The following ARHGEF17 variants were observed in gnomAD, a reference collection of about 807,000 sequenced individuals.
ARHGEF17 encodes the protein 164 kDa Rho-specific guanine-nucleotide exchange factor.
In ARHGEF17, 80 loss-of-function variants were observed where a neutral mutation model predicts 174.0. That is an observed-to-expected ratio of 0.46 (90% confidence interval 0.38 to 0.55). The LOEUF (loss-of-function observed/expected upper bound fraction) is 0.55. Among genes scored for constraint, ARHGEF17 ranks in the 20% least tolerant of loss-of-function variants. The probability of loss-of-function intolerance (pLI) is 0.00; values close to 1 mark genes in which losing one functional copy is unlikely to be tolerated. For synonymous variants in ARHGEF17, 1,311 were observed against 1,189.1 expected, an observed-to-expected ratio of 1.10 and a Z score of -2.11; for missense variants, 2,886 against 2,839.7, an observed-to-expected ratio of 1.02 and a Z score of -0.37.
At chr11:73,355,483 G>A (rs577406464) in intron 3 of ARHGEF17, 50 bp from the exon 4 acceptor site, 2 of 1,239,758 alleles carry the variant, frequency 1.6e-6, no homozygotes, top group South Asian at 2.4e-5. Flanking sequence ...ACAGGGTGAG[G>A]TGGGGTGAGG....
At position 73,361,171 on chromosome 11, in the gene ARHGEF17, C is replaced by T. The variant is rs755101331; in HGVS notation, c.4494+10C>T. On this transcript the variant is annotated intron_variant, in intron 12 of 20. Coordinates refer to ENST00000263674, the MANE Select transcript of ARHGEF17 (RefSeq NM_014786.4). ...CCGCAGTGGCATGCAGGTATGTCTG[C>T]ATCTGGGTCACTTGGGTACATGTTT... The T allele has an allele frequency of 2.9e-5, 46 of 1,613,004 alleles. 2 individuals are homozygous for T. Among genetic ancestry groups the T allele is most frequent in the Middle Eastern group, 1.6e-4 (1 of 6,076 alleles).
At chr11:73,359,228 C>G (rs1420988356) in intron 9 of ARHGEF17, among the ~76,000 whole-genome samples, 2 of 152,238 alleles carry the variant, frequency 1.3e-5, no homozygotes, top group Non-Finnish European at 2.9e-5. Context: ...CACTTCTTTT[C>G]CCTTGATTTC....
At chr11:73,313,162 T>A (rs1864869732) in intron 1 of ARHGEF17, among the ~76,000 whole-genome samples, 1 of 152,198 alleles carries the variant, frequency 6.6e-6, no homozygotes. Flanking sequence ...TGTCTCCAGT[T>A]ACCCCTGGTC....
chr11:73,322,365 C>G (rs1216186546), intron 1 of ARHGEF17, among the ~76,000 whole-genome samples: 1 of 152,206 alleles, frequency 6.6e-6, no homozygotes, highest in Non-Finnish European at 1.5e-5. Flanking sequence ...TGGAAAGACT[C>G]TTAGAAACCA....
chr11:73,361,023 C>A (rs1865729071), intron 11 of ARHGEF17, 65 bp from the exon 12 acceptor site: 11 of 1,379,890 alleles, frequency 8.0e-6, no homozygotes, highest in Non-Finnish European at 1.1e-5. Context: ...GGGGCAGGGG[C>A]AGGACCAGGG....
At chr11:73,364,305 A>G in intron 17 of ARHGEF17, 66 bp downstream of exon 17, 1 of 1,605,990 alleles carries the variant, frequency 6.2e-7, no homozygotes, top group South Asian at 1.1e-5. Flanking sequence ...TCTCTCCTGG[A>G]GATGTGGCTT....
intron 11 of ARHGEF17, 105 bp downstream of exon 11, chr11:73,360,638 C>G: frequency 8.1e-7 from 1 of 1,229,714 alleles, no homozygotes. Flanking sequence ...CCGCAGTGCC[C>G]TGTGCTCCGG....
At position 73,308,309 on chromosome 11, in the gene ARHGEF17, T is replaced by C. The variant is rs1156950515; in HGVS notation, c.-330T>C. 7.1e-6 allele frequency: 2 copies of C among 281,162 alleles called. No homozygotes were observed. The highest frequency in any genetic ancestry group is 1.3e-5 in the Non-Finnish European group (2 of 151,348). The allele number at this position is 281,162 out of a possible 1,614,324, so 17.4% of individuals were successfully genotyped here. A position where few individuals can be genotyped will look rare whatever the true frequency, so the allele number is the denominator to read the frequency against. Reference sequence around the variant, plus strand: ...GCCAGGAGCGAGCAGCCAAGGGCGTTGGGCAGGCGGACGCAGAGTCGAGGA... The same window carrying C: ...GCCAGGAGCGAGCAGCCAAGGGCGTCGGGCAGGCGGACGCAGAGTCGAGGA... On this transcript the variant is annotated 5_prime_UTR_variant, in exon 1 of 21. Transcript: ENST00000263674.
intron 1 of ARHGEF17, among the ~76,000 whole-genome samples, chr11:73,342,642 T>G (rs1865388398): frequency 6.6e-6 from 1 of 152,090 alleles, no homozygotes; most frequent in Non-Finnish European, 1.5e-5. Context: ...TGCCCCTGTG[T>G]GTGTCCCGTG....
rs1430809805 is a variant in ARHGEF17 at position 73,364,109 on chromosome 11, G to A, written c.5334-63G>A. ...TACCCATTCTATCTGTGGTTCCCCT[G>A]GTCCTGGGTGACCCACTTTGGCTGC... On this transcript the variant is annotated intron_variant, in intron 16 of 20. Transcript: ENST00000263674. 3.9e-6 allele frequency: 6 copies of A among 1,527,090 alleles called. No homozygotes were observed. In the East Asian group the frequency reaches 1.1e-4, roughly 29 times the overall value. 94.6% of individuals were successfully genotyped at this position (1,527,090 alleles called of 1,614,324 possible). A position where few individuals can be genotyped will look rare whatever the true frequency, so the allele number is the denominator to read the frequency against.
At chr11:73,334,023 T>G (rs1023417815) in intron 1 of ARHGEF17, among the ~76,000 whole-genome samples, 1 of 152,226 alleles carries the variant, frequency 6.6e-6, no homozygotes, top group African/African-American at 2.4e-5. Context: ...AGCACTTAAC[T>G]GTGGGTCAGT....
At chr11:73,362,361 C>A in intron 13 of ARHGEF17, 72 bp from the exon 14 acceptor site, 1 of 1,454,748 alleles carries the variant, frequency 6.9e-7, no homozygotes, top group African/African-American at 1.4e-5. Flanking sequence ...TGGGCGGGGT[C>A]GGTGGGCGTG....
chr11:73,352,847 G>A lies in ARHGEF17; in HGVS notation c.3288G>A (p.Leu1096=), dbSNP rs764153898. 3.1e-6 allele frequency: 5 copies of A among 1,613,894 alleles called. No individual in the cohort carries two copies. In the African/African-American group the frequency reaches 6.7e-5, roughly 22 times the overall value. Residue 1096 remains leucine (L), a synonymous_variant, in exon 3 of 21, where the codon CTG becomes CTA. Transcript: ENST00000263674. ...TCCTTCAGGGCTACATGCAGCCGCT[G>A]AAGCAGCCAGAGAACTCCGTGCTCT... ...RTLMQGYMQP[L]KQPENSVLCD...
intron 2 of ARHGEF17, among the ~76,000 whole-genome samples, chr11:73,348,743 C>T (rs1170142213): frequency 2.6e-5 from 4 of 152,128 alleles, no homozygotes; most frequent in South Asian, 4.1e-4. Flanking sequence ...TTGAACTGTA[C>T]ATTTAAAATG....
chr11:73,363,493 ACT>A (rs1565210492), intron 15 of ARHGEF17, 38 bp downstream of exon 15: 1 of 1,584,884 alleles, frequency 6.3e-7, no homozygotes, highest in Non-Finnish European at 8.6e-7. Context: ...CAGTGCCAGA[ACT>A]CTGAGCTCCC....
At chr11:73,366,936 A>T (rs538399749) in intron 20 of ARHGEF17, among the ~76,000 whole-genome samples, 1 of 152,288 alleles carries the variant, frequency 6.6e-6, no homozygotes, top group East Asian at 1.9e-4. Context: ...GCTACTCGGG[A>T]GGCTGAAGCA....
chr11:73,343,821 C>T (rs765503560), intron 1 of ARHGEF17, among the ~76,000 whole-genome samples: 5 of 152,156 alleles, frequency 3.3e-5, no homozygotes, highest in Non-Finnish European at 7.4e-5. Flanking sequence ...GTGCCATGCT[C>T]CCGGCCCCAG....
In ARHGEF17 at chr11:73,309,389, A is replaced by G; in HGVS notation, c.751A>G (p.Ser251Gly). 6.4e-7 allele frequency: 1 copy of G among 1,570,734 alleles called. No homozygotes were observed. The highest frequency in any genetic ancestry group is 8.6e-7 in the Non-Finnish European group (1 of 1,157,210). ...CAGCCGCAGTCGTGCTGCCAGCTCC[A>G]GCGAGGAGGAAGAGGAGGGCCCGCC... ...PVSRSRAASS[S>G]EEEEEGPPQL... The change falls in exon 1 of 21, where the codon AGC becomes GGC. Residue 251 changes from serine (S) to glycine (G), a missense_variant. Physicochemically the swap from Ser to Gly is moderately conservative, Grantham distance 56. Coordinates refer to ENST00000263674, the MANE Select transcript of ARHGEF17 (RefSeq NM_014786.4).
intron 9 of ARHGEF17, 23 bp downstream of exon 9, chr11:73,357,350 T>C (rs924504896): frequency 1.9e-6 from 3 of 1,604,584 alleles, no homozygotes; most frequent in Non-Finnish European, 2.6e-6. Flanking sequence ...CTAGGGGTTC[T>C]GGGTGTTGGG....
Sources: allele counts gnomAD v4.1 joint callset (sites outside exome capture counted in the v4.1 genomes callset), GRCh38; gene constraint gnomAD v4.1.1; transcripts MANE v1.5; gene names NCBI Gene and HGNC (gene_info 2026-07-23, HGNC 2026-07-21).